XYLT1: variants seen among roughly 807,000 people sequenced by gnomAD.
XYLT1 encodes the protein xylosyltransferase 1.
In XYLT1, 36 loss-of-function variants were observed where a neutral mutation model predicts 91.3. The ratio of observed to expected loss-of-function variants is 0.39; its 90% CI spans 0.30 to 0.52. The LOEUF (loss-of-function observed/expected upper bound fraction) is 0.52, where lower values mean the gene tolerates loss of function less well. Ranked by LOEUF, XYLT1 falls within the 20% of genes least tolerant of loss-of-function variation. The probability of loss-of-function intolerance (pLI) is 0.68; values close to 1 mark genes in which losing one functional copy is unlikely to be tolerated. For missense variants in XYLT1, 1,242 were observed against 1,284.5 expected, an observed-to-expected ratio of 0.97 and a Z score of 0.51; for synonymous variants, 588 against 532.0, an observed-to-expected ratio of 1.11 and a Z score of -1.45.
chr16:17,461,392 C>G (rs978448981), intron 1 of XYLT1, among the ~76,000 whole-genome samples: 1 of 152,202 alleles, frequency 6.6e-6, no homozygotes, highest in Non-Finnish European at 1.5e-5. Flanking sequence ...CTTATCAGCA[C>G]GGGCTCTAAC....
At chr16:17,432,164 T>C (rs1404450803) in intron 1 of XYLT1, among the ~76,000 whole-genome samples, 1 of 152,264 alleles carries the variant, frequency 6.6e-6, no homozygotes, top group African/African-American at 2.4e-5. Context: ...ACTTCAACGA[T>C]TTCTTAAAAA....
Position 17,208,896 on chromosome 16 carries a change from T to A in XYLT1, c.914-8242A>T, listed in dbSNP as rs150419580. 8.5e-3 allele frequency among the ~76,000 whole-genome samples: 1,297 copies of A among 152,220 alleles called. 13 individuals carry two copies. Among genetic ancestry groups the A allele is most frequent in the African/African-American group, 0.028 (1,177 of 41,536 alleles). Reference sequence around the variant, plus strand: ...CCCACCACCACGCCCGGCTAATTTTTTTGTATTTTTAGTAGAGATGGGGTT... The same window carrying A: ...CCCACCACCACGCCCGGCTAATTTTATTGTATTTTTAGTAGAGATGGGGTT... On this transcript the variant is annotated intron_variant, in intron 3 of 11. Transcript: ENST00000261381.
Position 17,340,850 on chromosome 16 carries a change from G to C in XYLT1, c.402+17162C>G, listed in dbSNP as rs78121012. 1.4e-4 allele frequency among the ~76,000 whole-genome samples: 22 copies of C among 152,282 alleles called. No individual in the cohort carries two copies. The East Asian group carries it at 3.9e-3, about 27-fold the overall frequency. ...TTTCCTCCAAGGAGGCAGACAATCA[G>C]AACATTAGGACCCAGAATCCTGAAA... On this transcript the variant is annotated intron_variant, in intron 2 of 11. Coordinates refer to ENST00000261381, the MANE Select transcript of XYLT1 (RefSeq NM_022166.4).
intron 2 of XYLT1, among the ~76,000 whole-genome samples, chr16:17,330,436 C>A (rs6498680): frequency 0.33 from 50,315 of 151,740 alleles, 9,112 homozygotes; most frequent in Admixed American, 0.48. Context: ...CGTTTCACTC[C>A]CTGGGCTGTG....
chr16:17,311,502 C>G (rs1025617211), intron 2 of XYLT1, among the ~76,000 whole-genome samples: 7 of 152,162 alleles, frequency 4.6e-5, no homozygotes, highest in African/African-American at 1.7e-4. Context: ...GATGCAGCTG[C>G]TGTTGGTTCA....
chr16:17,325,971 A>C (rs2034795083), intron 2 of XYLT1, among the ~76,000 whole-genome samples: 1 of 152,222 alleles, frequency 6.6e-6, no homozygotes, highest in South Asian at 2.1e-4. Context: ...TGAATCTGCC[A>C]TCCATTATCC....
chr16:17,336,867 G>A (rs537269827), intron 2 of XYLT1, among the ~76,000 whole-genome samples: 42 of 152,252 alleles, frequency 2.8e-4, no homozygotes, highest in African/African-American at 8.7e-4. Context: ...ATGCTCACCC[G>A]CTTTCTCAGA....
At chr16:17,116,004 C>T (rs1359442491) in intron 11 of XYLT1, among the ~76,000 whole-genome samples, 5 of 141,988 alleles carry the variant, frequency 3.5e-5, no homozygotes, top group Non-Finnish European at 3.1e-5. Flanking sequence ...AAAAAGCAAT[C>T]TTACAGTACA....
Position 17,138,380 on chromosome 16 carries a change from T to A in XYLT1, c.1739A>T (p.Lys580Met). 6.2e-7 allele frequency: 1 copy of A among 1,613,870 alleles called. No homozygotes were observed. The highest frequency in any genetic ancestry group is 8.5e-7 in the Non-Finnish European group (1 of 1,179,882). ...CTGGAAGCGGTGGAAGTCCTGCGGC[T>A]TGAAGTCATTGGGGGAGCAGCCGCA... Reference protein sequence around the residue: ...DWCGCSPNDFKPQDFHRFQQT... With the variant: ...DWCGCSPNDFMPQDFHRFQQT... The change falls in exon 8 of 12, where the codon AAG (lysine) becomes ATG (methionine). Residue 580 changes from lysine to methionine, a missense_variant. Physicochemically the swap from Lys to Met is moderately conservative, Grantham distance 95. Transcript: ENST00000261381.
chr16:17,417,869 T>A (rs2036199970), intron 1 of XYLT1, among the ~76,000 whole-genome samples: 4 of 152,226 alleles, frequency 2.6e-5, no homozygotes, highest in Admixed American at 1.3e-4. Context: ...GGAAACTCCC[T>A]CTTGGAACCC....
chr16:17,416,367 T>C (rs140724291), intron 1 of XYLT1, among the ~76,000 whole-genome samples: 81 of 152,234 alleles, frequency 5.3e-4, no homozygotes, highest in African/African-American at 1.8e-3. Context: ...CCCCACTCAT[T>C]TGGGGGAATT....
intron 3 of XYLT1, chr16:17,251,127 C>T (rs1205520412): frequency 6.6e-6 from 1 of 152,258 alleles, no homozygotes; most frequent in Non-Finnish European, 1.5e-5. Flanking sequence ...TGCCCTTAAG[C>T]AGCTGGCAGT....
intron 1 of XYLT1, among the ~76,000 whole-genome samples, chr16:17,406,485 C>A (rs996221716): frequency 3.9e-5 from 6 of 152,234 alleles, no homozygotes; most frequent in African/African-American, 1.4e-4. Flanking sequence ...GGGGCCTAAA[C>A]TAGACTAAGT....
At chr16:17,392,507 T>C (rs1215164484) in intron 1 of XYLT1, among the ~76,000 whole-genome samples, 1 of 152,232 alleles carries the variant, frequency 6.6e-6, no homozygotes, top group Non-Finnish European at 1.5e-5. Flanking sequence ...TATTCACTGC[T>C]GCATCCTCAT....
rs570335507 is a variant in XYLT1, at chr16:17,443,227, TATC to T, written c.363+27204_363+27206del. ...CTCAGTAAGTACTTGCTACCTATAT[TATC>T]ATCATTTTATAGTATGTATATATAG... On this transcript the variant is annotated intron_variant, in intron 1 of 11. Transcript: ENST00000261381. Among the ~76,000 whole-genome samples, 76 of 152,352 alleles carry T rather than the reference TATC, an allele frequency of 5.0e-4. 2 individuals are homozygous for T. In the East Asian group the frequency reaches 0.012, roughly 23 times the overall value.
At chr16:17,277,854 A>G (rs2034001530) in intron 2 of XYLT1, among the ~76,000 whole-genome samples, 1 of 152,098 alleles carries the variant, frequency 6.6e-6, no homozygotes, top group Admixed American at 6.5e-5. Flanking sequence ...GTTCTTTTGT[A>G]TTACCCACTG....
chr16:17,402,581 T>C (rs1295984780), intron 1 of XYLT1, among the ~76,000 whole-genome samples: 1 of 152,006 alleles, frequency 6.6e-6, no homozygotes. Flanking sequence ...GAGCATACAG[T>C]TCCTCCTTTA....
intron 1 of XYLT1, among the ~76,000 whole-genome samples, chr16:17,447,609 T>A (rs1481363289): frequency 6.6e-6 from 1 of 152,194 alleles, no homozygotes; most frequent in African/African-American, 2.4e-5. Flanking sequence ...TCCTAGAAGC[T>A]TGAAGCTGTC....
intron 1 of XYLT1, among the ~76,000 whole-genome samples, chr16:17,402,928 C>A (rs1317995509): frequency 6.6e-6 from 1 of 151,878 alleles, no homozygotes; most frequent in Non-Finnish European, 1.5e-5. Flanking sequence ...TTTGTAGAGA[C>A]AGGGTCTCAC....
Sources: gnomAD v4.1 joint callset for allele counts (sites outside exome capture counted in the v4.1 genomes callset) on GRCh38, gnomAD v4.1.1 for gene constraint, MANE v1.5 for transcripts, NCBI Gene and HGNC (gene_info 2026-07-23, HGNC 2026-07-21) for gene names.